NFIC: variants seen among roughly 807,000 people sequenced by gnomAD.
NFIC encodes the protein nuclear factor I C.
In NFIC, 12 loss-of-function variants were observed where a neutral mutation model predicts 54.4. That is an observed-to-expected ratio of 0.22 (90% CI 0.14 to 0.36). NFIC has a LOEUF of 0.36. Ranked by LOEUF, NFIC falls within the 10% of genes least tolerant of loss-of-function variation. The pLI is 1.00. For synonymous variants in NFIC, 322 were observed against 319.2 expected (o/e 1.01, Z -0.09); for missense variants, 575 against 718.2 (o/e 0.80, Z 2.28).
intron 2 of NFIC, among the ~76,000 whole-genome samples, chr19:3,421,178 C>T (rs1373475764): frequency 6.6e-6 from 1 of 152,236 alleles, no homozygotes; most frequent in Non-Finnish European, 1.5e-5. Context: ...TGGGAGCCAC[C>T]GTGGGGCCTG....
intron 2 of NFIC, among the ~76,000 whole-genome samples, chr19:3,404,692 A>T (rs2081615604): frequency 6.6e-6 from 1 of 152,076 alleles, no homozygotes; most frequent in South Asian, 2.1e-4. Context: ...CCGGAGAAAC[A>T]TCTGGAACAG....
chr19:3,371,258 G>A (rs2145436474), intron 1 of NFIC: 1 of 151,450 alleles, frequency 6.6e-6, no homozygotes. Flanking sequence ...TTCTTGCCCT[G>A]AAATGAAGTC....
At chr19:3,454,337 A>C in intron 9 of NFIC, 1 of 899,658 alleles carries the variant, frequency 1.1e-6, no homozygotes, top group Non-Finnish European at 1.3e-6. Context: ...TAAAATCAGG[A>C]CGTTTTACAT....
rs370569047 is a variant in NFIC at position 3,433,610 on chromosome 19, C to T, written c.709+18C>T. On this transcript the variant is annotated intron_variant, in intron 4 of 10. Coordinates refer to ENST00000443272, the MANE Select transcript of NFIC (RefSeq NM_001245002.2). ...GTCCCGGAGTGAGTGTTCCCGTCAG[C>T]CCTGAGCTGGGTCTTGGAGAGGGGA... 10 of 1,612,556 alleles carry T rather than the reference C, an allele frequency of 6.2e-6. No homozygotes were observed. Among genetic ancestry groups the T allele is most frequent in the African/African-American group, 1.3e-5 (1 of 74,882 alleles).
chr19:3,466,505 T>A lies in NFIC; in HGVS notation c.*3736T>A, dbSNP rs1032660455. The A allele has an allele frequency of 2.6e-5, 4 of 152,156 alleles. No homozygotes were observed. The highest frequency in any genetic ancestry group is 2.6e-4 in the Admixed American group (4 of 15,272). 9.4% of individuals were successfully genotyped at this position (152,156 alleles called of 1,614,324 possible). On this transcript the variant is annotated 3_prime_UTR_variant, in exon 11 of 11. Transcript: ENST00000443272. This position sits in a 1 kb window ranked among gnomAD's most constrained non-coding sequence, Gnocchi z 4.8. ...CCACCATCATACACTCATCCCGTGTTTTCTTCCAAAAAGTCACCTCAGCAG... is the reference window on the plus strand; with the variant it reads ...CCACCATCATACACTCATCCCGTGTATTCTTCCAAAAAGTCACCTCAGCAG...
At chr19:3,386,794 C>T (rs746334862) in intron 2 of NFIC, among the ~76,000 whole-genome samples, 5 of 152,136 alleles carry the variant, frequency 3.3e-5, no homozygotes, top group African/African-American at 4.8e-5. Context: ...AGGGGATGGG[C>T]GGAAGTTGTG....
At chr19:3,448,922 C>T in intron 6 of NFIC, 92 bp from the exon 7 acceptor site, 1 of 1,503,372 alleles carries the variant, frequency 6.7e-7, no homozygotes, top group South Asian at 1.3e-5. Flanking sequence ...GGTGATGAGG[C>T]TTCCTATCCC....
intron 3 of NFIC, among the ~76,000 whole-genome samples, chr19:3,428,629 G>A (rs1235927663): frequency 1.3e-5 from 2 of 152,080 alleles, no homozygotes; most frequent in Admixed American, 6.6e-5. Flanking sequence ...CGGGTCCTCC[G>A]CGGCCTCCTG....
intron 1 of NFIC, among the ~76,000 whole-genome samples, chr19:3,377,387 C>T (rs1233197871): frequency 1.6e-5 from 2 of 122,120 alleles, no homozygotes; most frequent in South Asian, 2.8e-4. Context: ...GTAATGATAA[C>T]AATCATCGCA....
At chr19:3,462,720 C>G (rs773639695) in intron 10 of NFIC, 32 bp from the exon 11 acceptor site, 1 of 1,612,148 alleles carries the variant, frequency 6.2e-7, no homozygotes, top group Non-Finnish European at 8.5e-7. Context: ...CTTTTTCTCT[C>G]TCCCTCTTTC....
intron 1 of NFIC, among the ~76,000 whole-genome samples, chr19:3,379,048 A>G (rs10422402): frequency 0.68 from 103,351 of 151,820 alleles, 35,765 homozygotes; most frequent in Middle Eastern, 0.79. Flanking sequence ...TTTCGTAGTC[A>G]TTTTTTGTTT....
At chr19:3,399,348 G>A (rs922683919) in intron 2 of NFIC, among the ~76,000 whole-genome samples, 13 of 151,776 alleles carry the variant, frequency 8.6e-5, no homozygotes, top group Non-Finnish European at 1.3e-4. Context: ...AGGCTGAGAC[G>A]GGAGGATCAC....
intron 2 of NFIC, among the ~76,000 whole-genome samples, chr19:3,424,532 A>T (rs1006455148): frequency 2.6e-5 from 4 of 151,820 alleles, no homozygotes; most frequent in Non-Finnish European, 4.4e-5. Context: ...ACGCATCACC[A>T]CACCTGGCTA....
chr19:3,396,399 G>A (rs1323931990), intron 2 of NFIC, among the ~76,000 whole-genome samples: 1 of 151,558 alleles, frequency 6.6e-6, no homozygotes, highest in Non-Finnish European at 1.5e-5. Flanking sequence ...GTGGACCTGG[G>A]AGGCGGAGCT....
intron 1 of NFIC, among the ~76,000 whole-genome samples, chr19:3,380,240 G>A (rs139841785): frequency 0.025 from 3,693 of 148,912 alleles, 95 homozygotes; most frequent in African/African-American, 0.07. Context: ...TCCTGACCTC[G>A]TGATCTGCCC....
In NFIC at chr19:3,452,767, C is replaced by T; in HGVS notation, c.1269+101C>T. 7.2e-7 allele frequency: 1 copy of T among 1,390,806 alleles called. No individual in the cohort carries two copies. Among genetic ancestry groups the T allele is most frequent in the South Asian group, 1.4e-5 (1 of 72,372 alleles). 86.2% of individuals were successfully genotyped at this position (1,390,806 alleles called of 1,614,324 possible). A position where few individuals can be genotyped will look rare whatever the true frequency, so the allele number is the denominator to read the frequency against. On this transcript the variant is annotated intron_variant, in intron 8 of 10. Coordinates refer to ENST00000443272, the MANE Select transcript of NFIC (RefSeq NM_001245002.2). The surrounding 1 kb of genome is among the most constrained non-coding windows in gnomAD (Gnocchi z 5.3). ...AGGCACAACCTCTGCTTAAAAGGGT[C>T]TTGAGGACTTGGCTCTGAAGTCCCC...
chr19:3,391,668 G>T (rs939070453), intron 2 of NFIC, among the ~76,000 whole-genome samples: 2 of 151,614 alleles, frequency 1.3e-5, no homozygotes, highest in Non-Finnish European at 2.9e-5. Context: ...ATGGTGGCGC[G>T]TGCCTGTAAT....
rs1034665265 is a variant in NFIC, at chr19:3,370,412, C to G, written c.30+3746C>G. Among the ~76,000 whole-genome samples, 8 of 151,828 alleles carry G rather than the reference C, an allele frequency of 5.3e-5. No individual in the cohort carries two copies. The highest frequency in any genetic ancestry group is 1.9e-4 in the East Asian group (1 of 5,140). On this transcript the variant is annotated intron_variant, in intron 1 of 10. Transcript: ENST00000443272. This position sits in a 1 kb window ranked among gnomAD's most constrained non-coding sequence, Gnocchi z 5.2. Reference sequence around the variant, plus strand: ...CCCTCCCCTCTCTGCGGCGGAGGTGCCTCTGCGCGCCAGGGCCAAGCGCCC... The same window carrying G: ...CCCTCCCCTCTCTGCGGCGGAGGTGGCTCTGCGCGCCAGGGCCAAGCGCCC...
Position 3,465,466 on chromosome 19 carries a change from C to T in NFIC, c.*2697C>T, listed in dbSNP as rs1244333001. On this transcript the variant is annotated 3_prime_UTR_variant, in exon 11 of 11. Coordinates refer to ENST00000443272, the MANE Select transcript of NFIC (RefSeq NM_001245002.2). ...AAAAAAAAAAAAAAGGAAGAAAAAC[C>T]ACGCTAAAAATCAAGCCACTGAAAA... is the stretch of plus-strand genomic sequence containing the variant. 2.2e-5 allele frequency: 3 copies of T among 136,554 alleles called. No individual in the cohort carries two copies. Among genetic ancestry groups the T allele is most frequent in the Non-Finnish European group, 4.9e-5 (3 of 61,282 alleles). The allele number at this position is 136,554 out of a possible 1,614,324, so 8.5% of individuals were successfully genotyped here.
Sources: gnomAD v4.1 joint callset for allele counts (sites outside exome capture counted in the v4.1 genomes callset) on GRCh38, gnomAD v4.1.1 for gene constraint, Gnocchi (gnomAD v3.1) non-coding constraint, MANE v1.5 for transcripts, NCBI Gene and HGNC (gene_info 2026-07-23, HGNC 2026-07-21) for gene names.